Variants in NRXN1 observed in about 807,000 individuals in gnomAD.
NRXN1 encodes neurexin-1.
NRXN1 carries 39 observed loss-of-function variants against 150.9 expected under a neutral mutation model. The observed-to-expected ratio is 0.26, with a 90% CI of 0.20 to 0.34. The LOEUF (loss-of-function observed/expected upper bound fraction) is 0.34. Among genes scored for constraint, NRXN1 ranks in the 10% least tolerant of loss-of-function variants. The pLI, the probability that NRXN1 is intolerant of heterozygous loss-of-function variation, is 1.00. For missense variants in NRXN1, 1,815 were observed against 1,949.9 expected, an observed-to-expected ratio of 0.93 and a Z score of 1.30; for synonymous variants, 924 against 757.0, an observed-to-expected ratio of 1.22 and a Z score of -3.62.
At chr2:49,956,631 C>T (rs995578461) in intron 21 of NRXN1, among the ~76,000 whole-genome samples, 13 of 152,066 alleles carry the variant, frequency 8.5e-5, no homozygotes, top group African/African-American at 2.7e-4. Flanking sequence ...ACCAACATAC[C>T]GTAGCACCTT....
At chr2:50,803,659 G>T (rs1326612344) in intron 5 of NRXN1, among the ~76,000 whole-genome samples, 1 of 152,136 alleles carries the variant, frequency 6.6e-6, no homozygotes, top group African/African-American at 2.4e-5. Flanking sequence ...AATGGAAATG[G>T]TAAGCTTAAT....
chr2:50,702,244 A>T (rs1693841173), intron 5 of NRXN1, among the ~76,000 whole-genome samples: 1 of 152,086 alleles, frequency 6.6e-6, no homozygotes, highest in South Asian at 2.1e-4. Flanking sequence ...ATATTTTCAC[A>T]TTGAACTCCT....
intron 5 of NRXN1, among the ~76,000 whole-genome samples, chr2:50,865,872 G>A (rs778566729): frequency 6.7e-6 from 1 of 150,216 alleles, no homozygotes; most frequent in Non-Finnish European, 1.5e-5. Flanking sequence ...TCTGAGAAGG[G>A]GATCTTACAG....
At chr2:50,286,696 T>C (rs547764658) in intron 17 of NRXN1, among the ~76,000 whole-genome samples, 2 of 152,108 alleles carry the variant, frequency 1.3e-5, no homozygotes, top group East Asian at 1.9e-4. Context: ...CATCCTATTA[T>C]TGATGTGAGT....
intron 5 of NRXN1, among the ~76,000 whole-genome samples, chr2:50,873,517 T>C (rs867338154): frequency 1.3e-5 from 2 of 151,866 alleles, no homozygotes. Flanking sequence ...TGGTTAATTC[T>C]GGCAGTTTTG....
chr2:50,366,241 T>C (rs1297338926), intron 17 of NRXN1, among the ~76,000 whole-genome samples: 2 of 151,000 alleles, frequency 1.3e-5, no homozygotes, highest in African/African-American at 2.4e-5. Context: ...TTAAAAAATA[T>C]ATAAAAATGA....
At chr2:50,915,684 T>C (rs903330089) in intron 5 of NRXN1, among the ~76,000 whole-genome samples, 5 of 151,430 alleles carry the variant, frequency 3.3e-5, no homozygotes, top group African/African-American at 1.2e-4. Flanking sequence ...GGAAAGAAGA[T>C]ATTAAGATAA....
intron 5 of NRXN1, among the ~76,000 whole-genome samples, chr2:50,671,154 T>C (rs1362068069): frequency 6.6e-6 from 1 of 151,850 alleles, no homozygotes; most frequent in Non-Finnish European, 1.5e-5. Flanking sequence ...CTTGTATCTA[T>C]TTATTTTCTT....
At chr2:50,902,037 A>C (rs1683029225) in intron 5 of NRXN1, among the ~76,000 whole-genome samples, 1 of 152,170 alleles carries the variant, frequency 6.6e-6, no homozygotes, top group Non-Finnish European at 1.5e-5. Flanking sequence ...TCTCCAAAGC[A>C]AAGTTAGAGC....
In NRXN1 at chr2:50,856,004, G is replaced by A. The variant is rs185732553; in HGVS notation, c.832+65865C>T. Among the ~76,000 whole-genome samples the A allele has an allele frequency of 2.0e-5, 3 of 148,754 alleles. No homozygotes were observed. In the East Asian group the frequency reaches 5.9e-4, roughly 29 times the overall value. ...AGAGAAAGACAACATCATATGCAAT[G>A]AGCAACAGAACACGAGTAGCCTTTT... On this transcript the variant is annotated intron_variant, in intron 5 of 22. Coordinates refer to ENST00000401669, the MANE Select transcript of NRXN1 (RefSeq NM_001330078.2).
intron 5 of NRXN1, among the ~76,000 whole-genome samples, chr2:50,738,232 A>T (rs974493420): frequency 9.2e-5 from 14 of 152,216 alleles, no homozygotes; most frequent in Admixed American, 7.2e-4. Flanking sequence ...TATTAGTGAT[A>T]CACTGGGCAA....
chr2:50,000,480 C>T (rs371071577), intron 21 of NRXN1, among the ~76,000 whole-genome samples: 1 of 152,120 alleles, frequency 6.6e-6, no homozygotes, highest in East Asian at 1.9e-4. Context: ...CTACTTATCT[C>T]ACACCTCTAA....
chr2:50,644,881 T>C (rs1162507208), intron 5 of NRXN1, among the ~76,000 whole-genome samples: 2 of 150,624 alleles, frequency 1.3e-5, no homozygotes, highest in East Asian at 2.0e-4. Flanking sequence ...AAAATGTATT[T>C]ATATTTCTTT....
rs184598642 is a variant in NRXN1, at chr2:50,712,168, T to C, written c.833-88553A>G. On this transcript the variant is annotated intron_variant, in intron 5 of 22. Transcript: ENST00000401669. ...CACAAAGATGCCATTTATGAAATAT[T>C]ATTGATTACATTTTACAGATTCAGA... Among the ~76,000 whole-genome samples the C allele has an allele frequency of 3.4e-3, 507 of 150,792 alleles. 3 individuals are homozygous for C. The highest frequency in any genetic ancestry group is 7.0e-3 in the Middle Eastern group (2 of 286).
At chr2:50,198,900 G>A (rs2152831067) in intron 18 of NRXN1, among the ~76,000 whole-genome samples, 1 of 152,216 alleles carries the variant, frequency 6.6e-6, no homozygotes, top group South Asian at 2.1e-4. Context: ...TCTCCAAAGA[G>A]GAAAGGCCTA....
intron 5 of NRXN1, among the ~76,000 whole-genome samples, chr2:50,827,010 G>A (rs977374317): frequency 5.9e-5 from 9 of 152,162 alleles, no homozygotes; most frequent in Admixed American, 5.9e-4. Flanking sequence ...GTATGGAGGA[G>A]AACATAGCAT....
chr2:50,634,504 T>A lies in NRXN1; in HGVS notation c.833-10889A>T, dbSNP rs147333797. Reference sequence around the variant, plus strand: ...TTTTAAAGACTGTCAATCCATGGGATATATTTGTGGAATATAAACAGAATA... The same window carrying A: ...TTTTAAAGACTGTCAATCCATGGGAAATATTTGTGGAATATAAACAGAATA... On this transcript the variant is annotated intron_variant, in intron 5 of 22. Coordinates refer to ENST00000401669, the MANE Select transcript of NRXN1 (RefSeq NM_001330078.2). Among the ~76,000 whole-genome samples the A allele has an allele frequency of 2.4e-3, 361 of 152,340 alleles. 3 individuals are homozygous for A. The highest frequency in any genetic ancestry group is 8.1e-3 in the African/African-American group (335 of 41,582).
chr2:50,090,706 T>G (rs2152696166), intron 19 of NRXN1, among the ~76,000 whole-genome samples: 1 of 152,304 alleles, frequency 6.6e-6, no homozygotes, highest in African/African-American at 2.4e-5. Context: ...TGACATTTAT[T>G]TTATAGACTT....
intron 15 of NRXN1, among the ~76,000 whole-genome samples, chr2:50,490,891 A>T (rs185742378): frequency 6.6e-6 from 1 of 152,174 alleles, no homozygotes; most frequent in East Asian, 1.9e-4. Flanking sequence ...TTCCTACTGG[A>T]TCCTTAAAAT....
Sources: gnomAD v4.1 joint callset for allele counts (sites outside exome capture counted in the v4.1 genomes callset) on GRCh38, gnomAD v4.1.1 for gene constraint, MANE v1.5 for transcripts, NCBI Gene and HGNC (gene_info 2026-07-23, HGNC 2026-07-21) for gene names.